TNFRSF14: variants seen among roughly 807,000 people sequenced by gnomAD.
TNFRSF14 encodes the protein tumor necrosis factor receptor superfamily member 14.
Under a neutral mutation model 34.1 loss-of-function variants are expected in TNFRSF14, and 18 were observed. The ratio of observed to expected loss-of-function variants is 0.53; its 90% CI spans 0.36 to 0.78. The LOEUF (loss-of-function observed/expected upper bound fraction) is 0.78. TNFRSF14 is among the 30% of genes least tolerant of loss of function. The pLI is 0.00. For synonymous variants in TNFRSF14, 157 were observed against 153.2 expected, an observed-to-expected ratio of 1.02 and a Z score of -0.18; for missense variants, 352 against 379.5, an observed-to-expected ratio of 0.93 and a Z score of 0.60.
intron 1 of TNFRSF14, chr1:2,557,172 T>C: frequency 5.0e-6 from 1 of 201,666 alleles, no homozygotes; most frequent in Non-Finnish European, 1.0e-5. Context: ...GTGGGGATAC[T>C]CTCCATGCTC....
chr1:2,562,038 G>T, intron 6 of TNFRSF14: 1 of 598,274 alleles, frequency 1.7e-6, no homozygotes, highest in Non-Finnish European at 3.0e-6. Flanking sequence ...TGACCGTGGA[G>T]CCCTCAGCCA....
Position 2,556,446 on chromosome 1 carries a change from C to G in TNFRSF14, c.-219C>G. On this transcript the variant is annotated 5_prime_UTR_variant, in exon 1 of 8. Coordinates refer to ENST00000355716, the MANE Select transcript of TNFRSF14 (RefSeq NM_003820.4). ...GGCCCACCTGTGTCCCCCAGCGCCGCTCCACCCAGCAGGCCTGAGCCCCTC... is the reference window on the plus strand; with the variant it reads ...GGCCCACCTGTGTCCCCCAGCGCCGGTCCACCCAGCAGGCCTGAGCCCCTC... 1 of 699,918 alleles carries G rather than the reference C, an allele frequency of 1.4e-6. No individual in the cohort carries two copies. The highest frequency in any genetic ancestry group is 1.5e-5 in the South Asian group (1 of 66,764). 43.4% of individuals were successfully genotyped at this position (699,918 alleles called of 1,614,324 possible).
Position 2,559,974 on chromosome 1 carries a change from G to T in TNFRSF14, c.456G>T (p.Lys152Asn). 1 of 1,562,682 alleles carries T rather than the reference G, an allele frequency of 6.4e-7. No homozygotes were observed. Among genetic ancestry groups the T allele is most frequent in the Non-Finnish European group, 8.7e-7 (1 of 1,150,608 alleles). The change falls in exon 4 of 8, where the codon AAG becomes AAT. Residue 152 changes from lysine (K) to asparagine (N), a missense_variant. Physicochemically the swap from Lys to Asn is moderately conservative, Grantham distance 94. Coordinates refer to ENST00000355716, the MANE Select transcript of TNFRSF14 (RefSeq NM_003820.4). The stretch of plus-strand genomic sequence containing the variant: ...CCAGCCCGGGCCAGAGGGTGCAGAA[G>T]GGAGGTAAGCGGTGGGTGGCGGACA... ...ATSSPGQRVQ[K>N]GGTESQDTLC...
Position 2,560,686 on chromosome 1 carries a change from A to G in TNFRSF14, c.523A>G (p.Thr175Ala), listed in dbSNP as rs1311338264. 6.2e-7 allele frequency: 1 copy of G among 1,613,176 alleles called. No individual in the cohort carries two copies. The highest frequency in any genetic ancestry group is 8.5e-7 in the Non-Finnish European group (1 of 1,179,862). Residue 175 changes from threonine to alanine, a missense_variant, in exon 5 of 8, where the codon ACC (threonine) becomes GCC (alanine). Coordinates refer to ENST00000355716, the MANE Select transcript of TNFRSF14 (RefSeq NM_003820.4). ...CCCGGGGACCTTCTCTCCCAATGGG[A>G]CCCTGGAGGAATGTCAGCACCAGAC... ...CPPGTFSPNG[T>A]LEECQHQTKC... is the part of the protein sequence containing the mutation.
upstream of TNFRSF14, chr1:2,555,556 C>T (rs939027613): frequency 1.3e-5 from 2 of 152,462 alleles, no homozygotes; most frequent in African/African-American, 2.4e-5. The surrounding 1 kb of genome is among the most constrained non-coding windows in gnomAD (Gnocchi z 6.3). Flanking sequence ...GGGCAGGGGG[C>T]GGTCCTGGGC....
chr1:2,556,338 G>A, upstream of TNFRSF14: 1 of 618,412 alleles, frequency 1.6e-6, no homozygotes, highest in Non-Finnish European at 3.0e-6. Context: ...GGTGCAGGGG[G>A]AGAACTCGCC....
chr1:2,558,737 C>T, intron 3 of TNFRSF14: 1 of 1,160,446 alleles, frequency 8.6e-7, no homozygotes, highest in Non-Finnish European at 1.2e-6. Context: ...GTCCTTGGCT[C>T]CTCTGGTGCC....
intron 4 of TNFRSF14, among the ~76,000 whole-genome samples, chr1:2,560,391 CAGAG>C (rs1644290306): frequency 6.6e-6 from 1 of 152,164 alleles, no homozygotes; most frequent in Non-Finnish European, 1.5e-5. Context: ...GATGTGGACA[CAGAG>C]GGACTCCCGG....
At position 2,556,577 on chromosome 1, in the gene TNFRSF14, GC is replaced by G. The variant is rs1415517868; in HGVS notation, c.-85del. ...TCTTTCTCTTTCTCTTTCTCTTCTG[GC>G]CCACAGCCGCAGCAATGGCGCTGAG... On this transcript the variant is annotated 5_prime_UTR_variant, in exon 1 of 8. Coordinates refer to ENST00000355716, the MANE Select transcript of TNFRSF14 (RefSeq NM_003820.4). 1 of 1,280,730 alleles carries G rather than the reference GC, an allele frequency of 7.8e-7. No individual in the cohort carries two copies. The highest frequency in any genetic ancestry group is 1.1e-6 in the Non-Finnish European group (1 of 897,698). The allele number at this position is 1,280,730 out of a possible 1,614,324, so 79.3% of individuals were successfully genotyped here. A position where few individuals can be genotyped will look rare whatever the true frequency, so the allele number is the denominator to read the frequency against.
chr1:2,558,703 C>T, intron 3 of TNFRSF14: 2 of 1,123,882 alleles, frequency 1.8e-6, no homozygotes, highest in Admixed American at 2.9e-5. Context: ...CCATCCTGAG[C>T]TTGGCGACTG....
At position 2,556,730 on chromosome 1, in the gene TNFRSF14, G is replaced by T; in HGVS notation, c.66G>T (p.Arg22Ser). 1 of 1,599,104 alleles carries T rather than the reference G, an allele frequency of 6.3e-7. No homozygotes were observed. Among genetic ancestry groups the T allele is most frequent in the Non-Finnish European group, 8.5e-7 (1 of 1,173,172 alleles). Reference sequence around the variant, plus strand: ...CCACCCCCAAAACCGACGTCTTGAGGCTGGTGAGCCCCCGAGCCTCCTCTC... The same window carrying T: ...CCACCCCCAAAACCGACGTCTTGAGTCTGGTGAGCCCCCGAGCCTCCTCTC... ...WRSTPKTDVL[R>S]LVLYLTFLGA... Residue 22 changes from arginine (R) to serine (S), a missense_variant, in exon 1 of 8, where the codon AGG (arginine) becomes AGT (serine). Transcript: ENST00000355716.
intron 6 of TNFRSF14, chr1:2,562,171 G>A (rs891068160): frequency 1.6e-5 from 6 of 367,078 alleles, no homozygotes; most frequent in African/African-American, 4.1e-5. Flanking sequence ...GCCCTGCTGG[G>A]GACAAGGCTT....
In TNFRSF14 at chr1:2,563,420, G is replaced by A. The variant is rs564637652; in HGVS notation, c.*147G>A. ...GTCTCCTCCAGTGGAGGGAGAGGTG[G>A]GGCCCCTGCTGGGGTAGAGCTGGGG... On this transcript the variant is annotated 3_prime_UTR_variant, in exon 8 of 8. Transcript: ENST00000355716. The A allele has an allele frequency of 3.6e-6, 5 of 1,382,352 alleles. No individual in the cohort carries two copies. The African/African-American group carries it at 5.8e-5, about 16-fold the overall frequency. The allele number at this position is 1,382,352 out of a possible 1,614,324, so 85.6% of individuals were successfully genotyped here.
rs776125885 is a variant in TNFRSF14, at chr1:2,556,417, G to T, written c.-248G>T. The T allele has an allele frequency of 1.2e-5, 8 of 689,276 alleles. No homozygotes were observed. Among genetic ancestry groups the T allele is most frequent in the Non-Finnish European group, 1.9e-5 (7 of 377,030 alleles). 42.7% of individuals were successfully genotyped at this position (689,276 alleles called of 1,614,324 possible). ...TTTGCCTGGACAGCTCCTGCCTCCC[G>T]CAGGGCCCACCTGTGTCCCCCAGCG... On this transcript the variant is annotated 5_prime_UTR_variant, in exon 1 of 8. Transcript: ENST00000355716.
At chr1:2,559,253 A>C (rs1417161201) in intron 3 of TNFRSF14, 1 of 1,369,204 alleles carries the variant, frequency 7.3e-7, no homozygotes, top group Non-Finnish European at 9.6e-7. Flanking sequence ...CTGCATGCCC[A>C]GTTCCATGCC....
chr1:2,562,963 T>A, intron 7 of TNFRSF14, 67 bp downstream of exon 7: 1 of 1,357,238 alleles, frequency 7.4e-7, no homozygotes, highest in Non-Finnish European at 1.0e-6. Context: ...CCGCTGGGGC[T>A]GGTGTTTCTG....
rs1482039819 is a variant in TNFRSF14, at chr1:2,563,531, G to A, written c.*258G>A. 8.4e-6 allele frequency: 4 copies of A among 475,436 alleles called. No homozygotes were observed. The highest frequency in any genetic ancestry group is 1.5e-5 in the Non-Finnish European group (4 of 271,366). The allele number at this position is 475,436 out of a possible 1,614,324, so 29.5% of individuals were successfully genotyped here. ...GAGCTCCCCAGAGTCCTGAGGAGGAGCGCCAGTTGCCCCTCGCTCACAGAC... is the reference window on the plus strand; with the variant it reads ...GAGCTCCCCAGAGTCCTGAGGAGGAACGCCAGTTGCCCCTCGCTCACAGAC... On this transcript the variant is annotated 3_prime_UTR_variant, in exon 8 of 8. Coordinates refer to ENST00000355716, the MANE Select transcript of TNFRSF14 (RefSeq NM_003820.4).
intron 4 of TNFRSF14, 45 bp downstream of exon 4, chr1:2,560,023 C>T: frequency 1.3e-6 from 2 of 1,483,938 alleles, no homozygotes; most frequent in Admixed American, 2.1e-5. Flanking sequence ...CACCCTGGTC[C>T]CCAGTGCCCC....
rs587777995 is a variant in TNFRSF14, at chr1:2,559,652, G to A, written c.305-171G>A. On this transcript the variant is annotated intron_variant, in intron 3 of 7. Transcript: ENST00000355716. ...TCTGCCGTCCCTTGGTGTCCCTCCC[G>A]GCCTCAGGTCCTCCATGCTGGGTAC... 1.2e-5 allele frequency: 18 copies of A among 1,534,892 alleles called. No homozygotes were observed. In the South Asian group the frequency reaches 1.4e-4, roughly 12 times the overall value.
Sources: allele counts gnomAD v4.1 joint callset (sites outside exome capture counted in the v4.1 genomes callset), GRCh38; gene constraint gnomAD v4.1.1; non-coding constraint Gnocchi (gnomAD v3.1); transcripts MANE v1.5; gene names NCBI Gene and HGNC (gene_info 2026-07-23, HGNC 2026-07-21).